Variants in NPAS3 observed in about 807,000 individuals in gnomAD.
The protein encoded by NPAS3 is neuronal PAS domain-containing protein 3.
In NPAS3, 14 loss-of-function variants were observed where a neutral mutation model predicts 73.1. That is an observed-to-expected ratio of 0.19 (90% confidence interval 0.13 to 0.30). The LOEUF (loss-of-function observed/expected upper bound fraction) is 0.30, where lower values mean the gene tolerates loss of function less well. Ranked by LOEUF, NPAS3 falls within the 10% of genes least tolerant of loss-of-function variation. NPAS3 has a pLI of 1.00. For synonymous variants in NPAS3, 620 were observed against 541.5 expected (o/e 1.14, Z -2.01); for missense variants, 1,096 against 1,250.0 (o/e 0.88, Z 1.86).
At chr14:33,268,872 G>C (rs1383400664) in intron 3 of NPAS3, among the ~76,000 whole-genome samples, 1 of 152,184 alleles carries the variant, frequency 6.6e-6, no homozygotes, top group Middle Eastern at 3.2e-3. Context: ...TTCTCTGAGA[G>C]AGACAGAGGA....
At chr14:33,089,370 G>GATTCAGCAACATCCCCATTAAAATAA (rs1449526138) in intron 2 of NPAS3, among the ~76,000 whole-genome samples, 1 of 152,190 alleles carries the variant, frequency 6.6e-6, no homozygotes, top group Non-Finnish European at 1.5e-5. Flanking sequence ...CTCAGTAGCT[G>GATTCAGCAACATCCCCATTAAAATAA]ATTCAATCAA....
chr14:32,948,041 A>T (rs1019191448), intron 1 of NPAS3, among the ~76,000 whole-genome samples: 4 of 152,160 alleles, frequency 2.6e-5, no homozygotes, highest in Non-Finnish European at 5.9e-5. Context: ...AAACGTGAGG[A>T]TTCCTCTACT....
intron 4 of NPAS3, among the ~76,000 whole-genome samples, chr14:33,466,940 C>A (rs181433340): frequency 3.0e-4 from 45 of 152,202 alleles, no homozygotes; most frequent in African/African-American, 9.2e-4. Flanking sequence ...CCATATCACT[C>A]CTTGAAGGAG....
intron 3 of NPAS3, among the ~76,000 whole-genome samples, chr14:33,277,829 G>T (rs1009822141): frequency 1.3e-5 from 2 of 152,084 alleles, no homozygotes; most frequent in African/African-American, 4.8e-5. Context: ...AGGGAAGGGA[G>T]GATGTTGGGA....
At chr14:33,638,568 G>A (rs931009632) in intron 5 of NPAS3, among the ~76,000 whole-genome samples, 25 of 152,254 alleles carry the variant, frequency 1.6e-4, no homozygotes, top group Middle Eastern at 3.4e-3. Flanking sequence ...AGTACATGTC[G>A]TACACATATG....
At chr14:33,484,414 A>T (rs1425118772) in intron 4 of NPAS3, among the ~76,000 whole-genome samples, 2 of 152,180 alleles carry the variant, frequency 1.3e-5, no homozygotes, top group Non-Finnish European at 2.9e-5. Flanking sequence ...GGAGGTACTA[A>T]CACTGTACCT....
intron 6 of NPAS3, among the ~76,000 whole-genome samples, chr14:33,677,647 C>T (rs2059807329): frequency 6.6e-6 from 1 of 151,496 alleles, no homozygotes; most frequent in Non-Finnish European, 1.5e-5. Context: ...ACATTTGACT[C>T]TTGGAAGTAT....
chr14:33,641,999 G>A (rs2058687873), intron 5 of NPAS3, among the ~76,000 whole-genome samples: 1 of 152,130 alleles, frequency 6.6e-6, no homozygotes, highest in Admixed American at 6.5e-5. Context: ...GCAGGGAAGA[G>A]TGAGAGATTT....
chr14:33,229,605 AT>A (rs892454280), intron 3 of NPAS3, among the ~76,000 whole-genome samples: 9 of 152,144 alleles, frequency 5.9e-5, no homozygotes, highest in Non-Finnish European at 1.0e-4. Flanking sequence ...GGAGGGAACA[AT>A]TTTGCTTCAC....
intron 1 of NPAS3, among the ~76,000 whole-genome samples, chr14:32,947,582 TAC>T (rs573630595): frequency 5.9e-5 from 9 of 152,240 alleles, no homozygotes; most frequent in Non-Finnish European, 1.2e-4. Context: ...TGTCACATGA[TAC>T]ACACATATAT....
chr14:33,680,472 T>G (rs1028629788), intron 6 of NPAS3: 2 of 638,364 alleles, frequency 3.1e-6, no homozygotes, highest in African/African-American at 3.7e-5. Flanking sequence ...TTCCTGTGTA[T>G]GTAGGTATGT....
chr14:33,397,130 A>C (rs2047258477), intron 4 of NPAS3, among the ~76,000 whole-genome samples: 1 of 152,270 alleles, frequency 6.6e-6, no homozygotes, highest in East Asian at 1.9e-4. Flanking sequence ...TGTAATAATG[A>C]CACCTAAGAG....
intron 3 of NPAS3, among the ~76,000 whole-genome samples, chr14:33,252,870 T>A (rs558777131): frequency 6.6e-6 from 1 of 152,080 alleles, no homozygotes; most frequent in African/African-American, 2.4e-5. Flanking sequence ...TGGCTCCTAC[T>A]TATAAGTGAG....
chr14:33,506,627 G>C (rs573277018), intron 4 of NPAS3, among the ~76,000 whole-genome samples: 1 of 152,100 alleles, frequency 6.6e-6, no homozygotes, highest in South Asian at 2.1e-4. Flanking sequence ...ATGATTATAA[G>C]AGATCTTTGT....
chr14:33,189,664 G>C, intron 2 of NPAS3, among the ~76,000 whole-genome samples: 1 of 152,194 alleles, frequency 6.6e-6, no homozygotes, highest in East Asian at 1.9e-4. Context: ...AAAGCCATTA[G>C]AGTATAGCAG....
chr14:33,438,501 T>A (rs978921736), intron 4 of NPAS3, among the ~76,000 whole-genome samples: 1 of 152,206 alleles, frequency 6.6e-6, no homozygotes, highest in African/African-American at 2.4e-5. Context: ...ATTGCAAGGC[T>A]GAATCAGAGA....
intron 6 of NPAS3, among the ~76,000 whole-genome samples, chr14:33,711,158 A>G (rs1413648980): frequency 6.6e-6 from 1 of 152,080 alleles, no homozygotes; most frequent in East Asian, 2.0e-4. Flanking sequence ...TTTCCTGATT[A>G]TCTTATAACT....
In NPAS3 at chr14:33,141,973, G is replaced by C. The variant is rs77064850; in HGVS notation, c.141-73209G>C. On this transcript the variant is annotated intron_variant, in intron 2 of 11. Transcript: ENST00000356141. ...TTTCTTAATTTGATAGTAAAAATTA[G>C]TATTCCATTGAAAATCACTTAATAT... Among the ~76,000 whole-genome samples the C allele has an allele frequency of 8.8e-3, 1,336 of 152,198 alleles. 22 individuals are homozygous for C. The highest frequency in any genetic ancestry group is 0.03 in the African/African-American group (1,264 of 41,552).
intron 1 of NPAS3, among the ~76,000 whole-genome samples, chr14:33,030,088 GC>G (rs1369604685): frequency 5.9e-5 from 9 of 152,276 alleles, no homozygotes; most frequent in African/African-American, 1.9e-4. Flanking sequence ...ATATTGTCTG[GC>G]TGTTGAGGAA....
Sources: gnomAD v4.1 joint callset for allele counts (sites outside exome capture counted in the v4.1 genomes callset) on GRCh38, gnomAD v4.1.1 for gene constraint, MANE v1.5 for transcripts, NCBI Gene and HGNC (gene_info 2026-07-23, HGNC 2026-07-21) for gene names.